The following TEK variants were observed in gnomAD, a reference collection of about 807,000 sequenced individuals.
TEK encodes the protein TEK receptor tyrosine kinase.
Under a neutral mutation model 131.8 loss-of-function variants are expected in TEK, and 43 were observed. The observed-to-expected ratio is 0.33, with a 90% CI of 0.26 to 0.42. The LOEUF (loss-of-function observed/expected upper bound fraction) is 0.42, where lower values mean the gene tolerates loss of function less well. TEK is among the 10% of genes least tolerant of loss of function. The probability of loss-of-function intolerance (pLI) is 1.00; values close to 1 mark genes in which losing one functional copy is unlikely to be tolerated. For missense variants in TEK, 1,162 were observed against 1,384.4 expected (o/e 0.84, Z 2.55); for synonymous variants, 580 against 491.6 (o/e 1.18, Z -2.38).
intron 1 of TEK, among the ~76,000 whole-genome samples, chr9:27,122,890 A>G (rs929709172): frequency 1.3e-5 from 2 of 151,278 alleles, no homozygotes; most frequent in Non-Finnish European, 2.9e-5. Flanking sequence ...TGTCTCTACT[A>G]AAAATACAAA....
chr9:27,212,735 G>A lies in TEK; in HGVS notation c.2715G>A (p.Ala905=), dbSNP rs372316383. ...RGYLYLAIEY[A]PHGNLLDFLR... ...ACTTGTACCTGGCCATTGAGTACGC[G>A]CCCCATGGAAACCTTCTGGACTTCC... The change falls in exon 17 of 23, where the codon GCG becomes GCA. Residue 905 remains alanine, a synonymous_variant. Transcript: ENST00000380036. The A allele has an allele frequency of 5.9e-5, 96 of 1,614,026 alleles. No homozygotes were observed. Among genetic ancestry groups the A allele is most frequent in the Admixed American group, 1.2e-4 (7 of 60,004 alleles).
intron 2 of TEK, among the ~76,000 whole-genome samples, chr9:27,161,624 T>C (rs1823553141): frequency 6.6e-6 from 1 of 152,240 alleles, no homozygotes; most frequent in Non-Finnish European, 1.5e-5. Flanking sequence ...CAACTCTCCC[T>C]GATTCTGAGC....
At chr9:27,136,123 T>C (rs1822424772) in intron 1 of TEK, among the ~76,000 whole-genome samples, 1 of 146,322 alleles carries the variant, frequency 6.8e-6, no homozygotes, top group African/African-American at 2.5e-5. Context: ...GCTCTGTCAC[T>C]CAGGTTGGAG....
intron 3 of TEK, among the ~76,000 whole-genome samples, chr9:27,169,086 G>A (rs1234396624): frequency 6.6e-6 from 1 of 152,224 alleles, no homozygotes; most frequent in African/African-American, 2.4e-5. Flanking sequence ...TCTGAAGTCT[G>A]TGAGTGGATA....
At chr9:27,200,881 A>G (rs543785113) in intron 12 of TEK, among the ~76,000 whole-genome samples, 1 of 152,198 alleles carries the variant, frequency 6.6e-6, no homozygotes, top group Non-Finnish European at 1.5e-5. Flanking sequence ...AACCTGAGGC[A>G]CAGAGGAGGG....
rs36023271 is a variant in TEK, at chr9:27,136,085, A to ATTTTTT, written c.53-21737_53-21732dup. On this transcript the variant is annotated intron_variant, in intron 1 of 22. Coordinates refer to ENST00000380036, the MANE Select transcript of TEK (RefSeq NM_000459.5). ...TCCTCTGTGAATTCCCAGGGCAGTT[A>ATTTTTT]TTTTTTTTTTTTTTGAGATGGAGTC... Among the ~76,000 whole-genome samples, 346 of 137,000 alleles carry ATTTTTT rather than the reference A, an allele frequency of 2.5e-3. 14 individuals are homozygous for ATTTTTT. Among genetic ancestry groups the ATTTTTT allele is most frequent in the African/African-American group, 5.9e-3 (216 of 36,846 alleles). 89.9% of individuals were successfully genotyped at this position (137,000 alleles called of 152,430 possible). A position where few individuals can be genotyped will look rare whatever the true frequency, so the allele number is the denominator to read the frequency against.
At chr9:27,139,311 C>T (rs1310179741) in intron 1 of TEK, among the ~76,000 whole-genome samples, 1 of 142,600 alleles carries the variant, frequency 7.0e-6, no homozygotes. Flanking sequence ...ATTTGGAAGA[C>T]AGCTTTAACA....
intron 1 of TEK, among the ~76,000 whole-genome samples, chr9:27,115,574 T>G (rs1821521952): frequency 6.6e-6 from 1 of 152,190 alleles, no homozygotes; most frequent in African/African-American, 2.4e-5. Context: ...ACGTGGAATG[T>G]CAACTAAAGA....
chr9:27,155,950 C>A (rs563390242), intron 1 of TEK, among the ~76,000 whole-genome samples: 1 of 151,928 alleles, frequency 6.6e-6, no homozygotes, highest in South Asian at 2.1e-4. Context: ...TTACAGGCAC[C>A]CACCACCACA....
intron 20 of TEK, 51 bp downstream of exon 20, chr9:27,218,868 A>T: frequency 6.5e-7 from 1 of 1,547,834 alleles, no homozygotes; most frequent in Non-Finnish European, 8.9e-7. Context: ...AAGTGAGTGG[A>T]AGCCTCTAGC....
chr9:27,174,704 T>A (rs1330349250), intron 6 of TEK, among the ~76,000 whole-genome samples: 1 of 152,064 alleles, frequency 6.6e-6, no homozygotes, highest in Non-Finnish European at 1.5e-5. Flanking sequence ...TTCAGTTCCC[T>A]CTAAATGCTA....
chr9:27,189,901 A>C (rs1483864100), intron 9 of TEK, among the ~76,000 whole-genome samples: 1 of 152,200 alleles, frequency 6.6e-6, no homozygotes, highest in Non-Finnish European at 1.5e-5. Flanking sequence ...ATCTAGAAGA[A>C]AGACCAATAT....
At chr9:27,143,559 GA>G (rs1178367323) in intron 1 of TEK, among the ~76,000 whole-genome samples, 1 of 152,174 alleles carries the variant, frequency 6.6e-6, no homozygotes, top group East Asian at 1.9e-4. Flanking sequence ...CCCATGACCA[GA>G]ATATCTGATT....
At chr9:27,171,566 A>G (rs1823958677) in intron 4 of TEK, among the ~76,000 whole-genome samples, 1 of 152,210 alleles carries the variant, frequency 6.6e-6, no homozygotes, top group African/African-American at 2.4e-5. Flanking sequence ...AGCCACCTCT[A>G]TGGACATAAA....
At chr9:27,225,732 C>A (rs1216527495) in intron 21 of TEK, among the ~76,000 whole-genome samples, 2 of 152,150 alleles carry the variant, frequency 1.3e-5, no homozygotes, top group Admixed American at 1.3e-4. Context: ...CCAAAATTGA[C>A]AAATGGGATC....
intron 9 of TEK, among the ~76,000 whole-genome samples, chr9:27,188,334 C>T (rs1467984658): frequency 6.6e-6 from 1 of 152,086 alleles, no homozygotes; most frequent in Non-Finnish European, 1.5e-5. Context: ...AAGATATTCA[C>T]GCTTTACAAT....
Position 27,152,306 on chromosome 9 carries a change from T to G in TEK, c.53-5525T>G, listed in dbSNP as rs78842267. Among the ~76,000 whole-genome samples, 25 of 152,170 alleles carry G rather than the reference T, an allele frequency of 1.6e-4. No individual in the cohort carries two copies. The East Asian group carries it at 4.6e-3, about 28-fold the overall frequency. On this transcript the variant is annotated intron_variant, in intron 1 of 22. Coordinates refer to ENST00000380036, the MANE Select transcript of TEK (RefSeq NM_000459.5). ...GGGAATAAGCCTGCGATGCAATAAT[T>G]TAATCTGCCTAAAATTGTCTCCTAG...
In TEK at chr9:27,229,273, A is replaced by G. The variant is rs1826468794; in HGVS notation, c.*41A>G. ...TACCCTCTGTTTCCCTTTCACTGGC[A>G]TGGGAGACCCTTGACACCTGCTGAG... On this transcript the variant is annotated 3_prime_UTR_variant, in exon 23 of 23. Transcript: ENST00000380036. 1.3e-6 allele frequency: 2 copies of G among 1,594,862 alleles called. No homozygotes were observed. Among genetic ancestry groups the G allele is most frequent in the African/African-American group, 1.3e-5 (1 of 74,474 alleles).
chr9:27,206,907 C>T, intron 15 of TEK, 115 bp downstream of exon 15: 1 of 1,151,202 alleles, frequency 8.7e-7, no homozygotes, highest in East Asian at 2.5e-5. Flanking sequence ...TCAGACATAG[C>T]TGTTATTTGC....
Sources: gnomAD v4.1 joint callset for allele counts (sites outside exome capture counted in the v4.1 genomes callset) on GRCh38, gnomAD v4.1.1 for gene constraint, MANE v1.5 for transcripts, NCBI Gene and HGNC (gene_info 2026-07-23, HGNC 2026-07-21) for gene names.